The following CYP4F11 variants were observed in gnomAD, a reference collection of about 807,000 sequenced individuals.
CYP4F11 encodes the protein cytochrome P450 family 4 subfamily F member 11.
CYP4F11 carries 79 observed loss-of-function variants against 62.2 expected under a neutral mutation model. That is an observed-to-expected ratio of 1.27 (90% confidence interval 1.06 to 1.53). The LOEUF is 1.53. Among genes scored for constraint, CYP4F11 ranks in the 40% most tolerant of loss-of-function variants. The pLI, the probability that CYP4F11 is intolerant of heterozygous loss-of-function variation, is 0.00. For missense variants in CYP4F11, 777 were observed against 680.5 expected (o/e 1.14, Z -1.58); for synonymous variants, 290 against 263.7 (o/e 1.10, Z -0.97).
At chr19:15,927,696 C>T in intron 2 of CYP4F11, 1 of 606,372 alleles carries the variant, frequency 1.6e-6, no homozygotes. Flanking sequence ...ACACAGCATG[C>T]CCCAGCACAC....
chr19:15,931,449 G>T (rs1389708913), intron 1 of CYP4F11, among the ~76,000 whole-genome samples: 2 of 151,874 alleles, frequency 1.3e-5, no homozygotes, highest in Non-Finnish European at 2.9e-5. Flanking sequence ...GTAACACAGG[G>T]AAGACAGGCA....
At position 15,923,796 on chromosome 19, in the gene CYP4F11, T is replaced by C. The variant is rs1486960704; in HGVS notation, c.918+16A>G. ...CTCCACTCTATTACTTGAATTCACA[T>C]CCCAGAGAAGCCTACCTTGCTCAGC... On this transcript the variant is annotated intron_variant, in intron 6 of 11. Coordinates refer to ENST00000402119, the MANE Select transcript of CYP4F11 (RefSeq NM_021187.4). 6.2e-7 allele frequency: 1 copy of C among 1,605,918 alleles called. No individual in the cohort carries two copies. The highest frequency in any genetic ancestry group is 8.5e-7 in the Non-Finnish European group (1 of 1,173,984).
chr19:15,926,633 T>C (rs977389604), intron 4 of CYP4F11, among the ~76,000 whole-genome samples: 5 of 152,218 alleles, frequency 3.3e-5, no homozygotes, highest in Non-Finnish European at 7.3e-5. Flanking sequence ...CAGAACCCAG[T>C]CTGTGCCATG....
intron 4 of CYP4F11, among the ~76,000 whole-genome samples, chr19:15,926,080 C>T (rs139469488): frequency 0.015 from 2,288 of 151,154 alleles, 67 homozygotes; most frequent in African/African-American, 0.053. Flanking sequence ...AGGACAATGG[C>T]GTGAACCCGG....
chr19:15,923,184 G>A (rs1372473979), intron 6 of CYP4F11, among the ~76,000 whole-genome samples: 2 of 150,202 alleles, frequency 1.3e-5, no homozygotes, highest in African/African-American at 4.9e-5. Context: ...AAACCTACAG[G>A]CATGTCGATC....
chr19:15,931,090 G>GGAATGAGTGAGTGAGGAGAAGAAT (rs1568256939), intron 1 of CYP4F11, among the ~76,000 whole-genome samples: 24 of 150,306 alleles, frequency 1.6e-4, no homozygotes, highest in African/African-American at 5.8e-4. Context: ...AAAAGAGAAG[G>GGAATGAGTGAGTGAGGAGAAGAAT]GAGTGGCCAA....
In CYP4F11 at chr19:15,922,080, CTTCTTGCCGGCACTG is replaced by C. The variant is rs1568482982; in HGVS notation, c.1057_1071del (p.Gln353_Glu357del). ...TCACGGTCCTTCAGAAGCTCTTGCA[CTTCTTGCCGGCACTG>C]TTCCTGGTATTCTGGGTGCTTTGCA... On this transcript the variant is annotated inframe_deletion, in exon 8 of 12. Transcript: ENST00000402119. 1 of 1,614,028 alleles carries C rather than the reference CTTCTTGCCGGCACTG, an allele frequency of 6.2e-7. No individual in the cohort carries two copies. Among genetic ancestry groups the C allele is most frequent in the Non-Finnish European group, 8.5e-7 (1 of 1,179,936 alleles).
At chr19:15,930,949 C>A (rs1041593560) in intron 1 of CYP4F11, among the ~76,000 whole-genome samples, 4 of 152,152 alleles carry the variant, frequency 2.6e-5, no homozygotes, top group African/African-American at 9.7e-5. Context: ...TCCTATTCAC[C>A]CTCCACTGCA....
chr19:15,926,967 G>A (rs985984408), intron 4 of CYP4F11, among the ~76,000 whole-genome samples: 3 of 152,192 alleles, frequency 2.0e-5, no homozygotes, highest in African/African-American at 7.2e-5. Flanking sequence ...ACTCTCTTGA[G>A]TTTGAAGGAT....
intron 4 of CYP4F11, 102 bp downstream of exon 4, chr19:15,927,109 GA>G: frequency 5.3e-6 from 7 of 1,325,258 alleles, no homozygotes; most frequent in Non-Finnish European, 7.3e-6. Context: ...GCTCAGAGAG[GA>G]AGAGCATTGT....
rs539064796 is a variant in CYP4F11, at chr19:15,929,490, G to C, written c.310C>G (p.Pro104Ala). Residue 104 changes from proline (P) to alanine (A), a missense_variant, in exon 2 of 12, where the codon CCT becomes GCT. Transcript: ENST00000402119. ...PTFPLLILCH[P>A]DIIRPITSAS... ...CTGGTGATAGGCCGGATAATGTCAG[G>C]GTGGCATAAAATGAGGAGGGGGAAG... The C allele has an allele frequency of 7.4e-6, 12 of 1,614,106 alleles. No individual in the cohort carries two copies. In the East Asian group the frequency reaches 2.7e-4, roughly 36 times the overall value.
intron 11 of CYP4F11, 23 bp downstream of exon 11, chr19:15,914,282 C>T (rs756231818): frequency 6.2e-7 from 1 of 1,611,728 alleles, no homozygotes; most frequent in Non-Finnish European, 8.5e-7. Context: ...GCCATCTCTG[C>T]CTCAGACACA....
At chr19:15,914,563 G>A (rs1157825217) in intron 10 of CYP4F11, 39 bp downstream of exon 10, 2 of 1,611,686 alleles carry the variant, frequency 1.2e-6, no homozygotes, top group Non-Finnish European at 1.7e-6. Context: ...AGGAACCTTG[G>A]AATGGACTCC....
intron 1 of CYP4F11, among the ~76,000 whole-genome samples, chr19:15,931,497 G>A (rs1048023319): frequency 4.6e-5 from 7 of 151,782 alleles, no homozygotes; most frequent in African/African-American, 1.7e-4. Context: ...GGAGGACAGG[G>A]AGGTGAGAAA....
At chr19:15,929,037 A>G (rs772337575) in intron 2 of CYP4F11, among the ~76,000 whole-genome samples, 19 of 151,748 alleles carry the variant, frequency 1.3e-4, no homozygotes, top group Non-Finnish European at 2.8e-4. Context: ...CTTTTTACTC[A>G]TTTTTCCAGC....
chr19:15,934,394 G>A lies in CYP4F11; in HGVS notation c.15C>T (p.Ser5=), dbSNP rs757697644. Residue 5 remains serine (S), a synonymous_variant, in exon 1 of 12, where the codon AGC becomes AGT. Transcript: ENST00000402119. The part of the protein sequence containing the change: MPQL[S]LSWLGLGPVA... ...CGGGCCCGAGGCCCAGCCAGGACAG[G>A]CTCAGCTGCGGCATCCTGCAGGGCA... The A allele has an allele frequency of 5.6e-6, 9 of 1,613,072 alleles. No individual in the cohort carries two copies. In the East Asian group the frequency reaches 8.9e-5, roughly 16 times the overall value.
intron 8 of CYP4F11, among the ~76,000 whole-genome samples, chr19:15,919,724 A>G (rs1286736522): frequency 6.6e-6 from 1 of 152,202 alleles, no homozygotes; most frequent in Non-Finnish European, 1.5e-5. Context: ...TAAATGCAAA[A>G]TAGAATGGTA....
chr19:15,934,215 C>T lies in CYP4F11; in HGVS notation c.194G>A (p.Gly65Asp), dbSNP rs745972685. 12 of 1,613,442 alleles carry T rather than the reference C, an allele frequency of 7.4e-6. No homozygotes were observed. Among genetic ancestry groups the T allele is most frequent in the Admixed American group, 6.7e-5 (4 of 59,946 alleles). ...CCGTCCTGCTGACAAACTCACCAGGCCCTGGTGTCCCCAAAACCAGTTCTG... is the reference window on the plus strand; with the variant it reads ...CCGTCCTGCTGACAAACTCACCAGGTCCTGGTGTCCCCAAAACCAGTTCTG... ...PKQNWFWGHQ[G>D]LVTPTEEGMK... The change falls in exon 1 of 12, where the codon GGC (glycine) becomes GAC (aspartate). Residue 65 changes from glycine (G) to aspartate (D), a missense_variant. Gly to Asp is a moderately conservative substitution (Grantham distance 94, BLOSUM62 -1). Transcript: ENST00000402119.
intron 2 of CYP4F11, among the ~76,000 whole-genome samples, chr19:15,928,606 A>G (rs969523098): frequency 1.3e-5 from 2 of 152,192 alleles, no homozygotes; most frequent in Non-Finnish European, 2.9e-5. Flanking sequence ...ATCACTCGCA[A>G]CTGAAAGAGA....
Sources: gnomAD v4.1 joint callset for allele counts (sites outside exome capture counted in the v4.1 genomes callset) on GRCh38, gnomAD v4.1.1 for gene constraint, MANE v1.5 for transcripts, NCBI Gene and HGNC (gene_info 2026-07-23, HGNC 2026-07-21) for gene names.